STK38: variants seen among roughly 807,000 people sequenced by gnomAD.
STK38 encodes the protein serine/threonine-protein kinase 38.
STK38 carries 26 observed loss-of-function variants against 59.0 expected under a neutral mutation model. The ratio of observed to expected loss-of-function variants is 0.44; its 90% CI spans 0.32 to 0.61. STK38 has a LOEUF of 0.61. STK38 is among the 20% of genes least tolerant of loss of function. STK38 has a pLI of 0.04. For synonymous variants in STK38, 175 were observed against 176.6 expected, an observed-to-expected ratio of 0.99 and a Z score of 0.07; for missense variants, 433 against 566.0, an observed-to-expected ratio of 0.76 and a Z score of 2.38.
At chr6:36,529,904 A>C (rs1401603067) in intron 2 of STK38, among the ~76,000 whole-genome samples, 1 of 152,160 alleles carries the variant, frequency 6.6e-6, no homozygotes, top group Non-Finnish European at 1.5e-5. Flanking sequence ...GAAAACAGAC[A>C]GTATTTTGGT....
intron 5 of STK38, 112 bp from the exon 6 acceptor site, chr6:36,517,952 G>T: frequency 7.6e-7 from 1 of 1,320,458 alleles, no homozygotes; most frequent in Non-Finnish European, 1.0e-6. Flanking sequence ...GTATTTAATC[G>T]TGATGATATA....
intron 9 of STK38, among the ~76,000 whole-genome samples, chr6:36,503,507 TTTTGTC>T (rs1287660829): frequency 6.6e-6 from 1 of 152,122 alleles, no homozygotes; most frequent in Non-Finnish European, 1.5e-5. Context: ...CAGTGTTGTC[TTTTGTC>T]TTTAAGCTTT....
chr6:36,523,763 C>T (rs770487372), intron 4 of STK38, among the ~76,000 whole-genome samples: 1 of 152,204 alleles, frequency 6.6e-6, no homozygotes, highest in Non-Finnish European at 1.5e-5. Flanking sequence ...TTTCAACTCT[C>T]CACCACTACC....
intron 6 of STK38, among the ~76,000 whole-genome samples, chr6:36,516,873 G>C (rs1347390245): frequency 2.6e-5 from 4 of 152,178 alleles, no homozygotes; most frequent in African/African-American, 9.7e-5. Flanking sequence ...TGAGGCTTGA[G>C]GACACGTTAG....
chr6:36,511,672 C>A (rs1440477127), intron 7 of STK38, among the ~76,000 whole-genome samples: 1 of 151,648 alleles, frequency 6.6e-6, no homozygotes, highest in Non-Finnish European at 1.5e-5. Context: ...TCTTTTTTTG[C>A]AGATTTGCAA....
intron 7 of STK38, among the ~76,000 whole-genome samples, chr6:36,514,080 G>T (rs575886289): frequency 9.2e-4 from 139 of 151,278 alleles, no homozygotes; most frequent in Non-Finnish European, 1.8e-3. Flanking sequence ...GTGTGAACCC[G>T]GGAGGCAGAG....
chr6:36,528,350 G>T (rs750461493), intron 2 of STK38, among the ~76,000 whole-genome samples: 2 of 152,140 alleles, frequency 1.3e-5, no homozygotes, highest in South Asian at 4.1e-4. Flanking sequence ...GAGGCTAGTT[G>T]AGAGTTATTG....
chr6:36,523,267 T>G (rs1439426363), intron 4 of STK38, among the ~76,000 whole-genome samples: 1 of 134,738 alleles, frequency 7.4e-6, no homozygotes, highest in Non-Finnish European at 1.6e-5. Context: ...GGTTTTTTGT[T>G]TTTTTTTTTT....
chr6:36,530,205 C>A (rs1356715997), intron 2 of STK38, among the ~76,000 whole-genome samples: 1 of 151,070 alleles, frequency 6.6e-6, no homozygotes, highest in African/African-American at 2.4e-5. Flanking sequence ...CGTGCCACTG[C>A]ACTCCAGCCT....
At chr6:36,542,146 A>G (rs1449445304) in intron 1 of STK38, among the ~76,000 whole-genome samples, 10 of 152,038 alleles carry the variant, frequency 6.6e-5, no homozygotes, top group African/African-American at 1.7e-4. Context: ...ATGTTTTTCT[A>G]TATTTTCTTC....
intron 2 of STK38, among the ~76,000 whole-genome samples, chr6:36,530,078 T>C (rs1376151429): frequency 6.6e-6 from 1 of 151,966 alleles, no homozygotes; most frequent in African/African-American, 2.4e-5. Context: ...CCATCTCTAC[T>C]AAAAATACAA....
chr6:36,502,547 TTTTA>T (rs1337729252), intron 9 of STK38, among the ~76,000 whole-genome samples: 1 of 152,202 alleles, frequency 6.6e-6, no homozygotes, highest in Non-Finnish European at 1.5e-5. Context: ...CGCTTGTTAT[TTTTA>T]TTGTGATTTT....
At chr6:36,516,287 A>G (rs1777249840) in intron 6 of STK38, among the ~76,000 whole-genome samples, 1 of 152,218 alleles carries the variant, frequency 6.6e-6, no homozygotes, top group African/African-American at 2.4e-5. Context: ...CAGCAACATA[A>G]AATGGCAGAA....
At chr6:36,515,653 A>G (rs907433670) in intron 6 of STK38, among the ~76,000 whole-genome samples, 161 bp from the exon 7 acceptor site, 1 of 152,188 alleles carries the variant, frequency 6.6e-6, no homozygotes, top group African/African-American at 2.4e-5. Flanking sequence ...ATAGACCCAC[A>G]TGGCCAACAT....
chr6:36,537,854 G>A (rs1467206542), intron 2 of STK38, among the ~76,000 whole-genome samples: 1 of 151,568 alleles, frequency 6.6e-6, no homozygotes, highest in Admixed American at 6.6e-5. Flanking sequence ...AGCTATGATA[G>A]TGCCACTGCA....
At chr6:36,517,633 GTA>G in intron 6 of STK38, 82 bp downstream of exon 6, 1 of 1,539,114 alleles carries the variant, frequency 6.5e-7, no homozygotes, top group African/African-American at 1.4e-5. Context: ...ACATTTAAAA[GTA>G]GAAAGGAGGG....
chr6:36,510,879 A>G (rs1366819744), intron 7 of STK38, among the ~76,000 whole-genome samples: 1 of 152,214 alleles, frequency 6.6e-6, no homozygotes, highest in East Asian at 1.9e-4. Context: ...TCTCATCTGG[A>G]AAATGAGAGT....
intron 7 of STK38, among the ~76,000 whole-genome samples, chr6:36,514,848 CAAAAAAAAAAAA>C (rs58614183): frequency 2.6e-5 from 2 of 77,706 alleles, no homozygotes; most frequent in East Asian, 3.4e-4. Context: ...GACTTCATCT[CAAAAAAAAAAAA>C]AAAAAAAAGA....
At chr6:36,527,207 A>AAAAAAAATATATATATATATATATAT (rs60162863) in intron 2 of STK38, among the ~76,000 whole-genome samples, 1 of 119,356 alleles carries the variant, frequency 8.4e-6, no homozygotes, top group African/African-American at 3.5e-5. Context: ...AAAAAAAAAA[A>AAAAAAAATATATATATATATATATAT]ATATATGTAT....
Sources: allele counts gnomAD v4.1 joint callset (sites outside exome capture counted in the v4.1 genomes callset), GRCh38; gene constraint gnomAD v4.1.1; transcripts MANE v1.5; gene names NCBI Gene and HGNC (gene_info 2026-07-23, HGNC 2026-07-21).